NOP58: variants seen among roughly 807,000 people sequenced by gnomAD.
NOP58 encodes the protein NOP58 ribonucleoprotein, also known as nucleolar protein 58.
Under a neutral mutation model 71.2 loss-of-function variants are expected in NOP58, and 44 were observed. The ratio of observed to expected loss-of-function variants is 0.62; its 90% CI spans 0.49 to 0.79. The LOEUF is 0.79. NOP58 is among the 30% of genes least tolerant of loss of function. NOP58 has a pLI of 0.00. For missense variants in NOP58, 538 were observed against 620.2 expected (o/e 0.87, Z 1.41); for synonymous variants, 228 against 200.3 (o/e 1.14, Z -1.17).
At chr2:202,285,244 G>T (rs888855097) in intron 5 of NOP58, among the ~76,000 whole-genome samples, 1 of 150,738 alleles carries the variant, frequency 6.6e-6, no homozygotes, top group African/African-American at 2.4e-5. Flanking sequence ...CTTTCACCAT[G>T]TTGGCCTGGC....
intron 9 of NOP58, among the ~76,000 whole-genome samples, chr2:202,295,186 A>G (rs1209550189): frequency 1.3e-5 from 2 of 152,238 alleles, no homozygotes; most frequent in African/African-American, 4.8e-5. Context: ...GCAGTTAACC[A>G]CAGGTAATTT....
chr2:202,267,577 A>G (rs1425936502), intron 1 of NOP58, among the ~76,000 whole-genome samples: 1 of 152,160 alleles, frequency 6.6e-6, no homozygotes, highest in Admixed American at 6.5e-5. Flanking sequence ...AATCTTATCT[A>G]AATTACCATG....
At chr2:202,268,299 C>T (rs147087288) in intron 1 of NOP58, among the ~76,000 whole-genome samples, 110 of 152,154 alleles carry the variant, frequency 7.2e-4, no homozygotes, top group African/African-American at 2.5e-3. Context: ...CTTTGGGAGG[C>T]CGAGGCCGGC....
chr2:202,290,763 A>G (rs1688872369), intron 7 of NOP58, among the ~76,000 whole-genome samples: 1 of 151,704 alleles, frequency 6.6e-6, no homozygotes, highest in Non-Finnish European at 1.5e-5. Flanking sequence ...TGATTGATTG[A>G]TGGTTTACTT....
chr2:202,282,212 A>T, intron 3 of NOP58, 139 bp from the exon 4 acceptor site: 1 of 659,118 alleles, frequency 1.5e-6, no homozygotes, highest in Non-Finnish European at 2.5e-6. Context: ...TATAAAACAT[A>T]TATCATTTCA....
In NOP58 at chr2:202,278,019, G is replaced by C. The variant is rs1238791386; in HGVS notation, c.175+17G>C. 1 of 1,510,946 alleles carries C rather than the reference G, an allele frequency of 6.6e-7. No homozygotes were observed. The allele number at this position is 1,510,946 out of a possible 1,614,324, so 93.6% of individuals were successfully genotyped here. A position where few individuals can be genotyped will look rare whatever the true frequency, so the allele number is the denominator to read the frequency against. On this transcript the variant is annotated intron_variant, in intron 3 of 14. Transcript: ENST00000264279. ...CATTAGCAGGTAAAGTAAAAAATTA[G>C]AAGCTTGCTTTTTTGAAAAAATTAA...
In NOP58 at chr2:202,266,130, C is replaced by T. The variant is rs1384849607; in HGVS notation, c.45+144C>T. 15 of 884,940 alleles carry T rather than the reference C, an allele frequency of 1.7e-5. No individual in the cohort carries two copies. The African/African-American group carries it at 1.8e-4, about 11-fold the overall frequency. 54.8% of individuals were successfully genotyped at this position (884,940 alleles called of 1,614,324 possible). ...TGGGAGGAGGGAGAAGGCCTTTACA[C>T]CTGAGAGCCATGTTACGTGTAACAC... On this transcript the variant is annotated intron_variant, in intron 1 of 14. Coordinates refer to ENST00000264279, the MANE Select transcript of NOP58 (RefSeq NM_015934.5).
intron 1 of NOP58, among the ~76,000 whole-genome samples, chr2:202,269,552 AC>A (rs1688479211): frequency 6.6e-6 from 1 of 152,048 alleles, no homozygotes; most frequent in African/African-American, 2.4e-5. Context: ...GTGTAAAGGA[AC>A]TGTTGTGATT....
chr2:202,299,250 A>G (rs116437099), intron 12 of NOP58, among the ~76,000 whole-genome samples: 21,764 of 151,900 alleles, frequency 0.14, 1,640 homozygotes, highest in South Asian at 0.26. Flanking sequence ...GAGCCACAGC[A>G]CCCGGCCTCC....
Position 202,300,283 on chromosome 2 carries a change from T to TTG in NOP58, c.1318_1319insTG (p.Ser440LeufsTer7). ...TGGTGACTCCACACTTCCAACCTGT[T>TTG]CTAAAAAACGCAAAATAGAACAGGT... On this transcript the variant is annotated frameshift_variant, in exon 13 of 15. Coordinates refer to ENST00000264279, the MANE Select transcript of NOP58 (RefSeq NM_015934.5). LOFTEE classifies it high-confidence loss of function. The TTG allele has an allele frequency of 6.2e-7, 1 of 1,602,162 alleles. No homozygotes were observed. The highest frequency in any genetic ancestry group is 8.5e-7 in the Non-Finnish European group (1 of 1,177,520).
rs1034624471 is a variant in NOP58 at position 202,297,372 on chromosome 2, C to G, written c.1072-7C>G. 1 of 1,609,968 alleles carries G rather than the reference C, an allele frequency of 6.2e-7. No individual in the cohort carries two copies. Among genetic ancestry groups the G allele is most frequent in the African/African-American group, 1.3e-5 (1 of 74,684 alleles). On this transcript the variant is annotated splice_region_variant and splice_polypyrimidine_tract_variant and intron_variant, in intron 10 of 14. Coordinates refer to ENST00000264279, the MANE Select transcript of NOP58 (RefSeq NM_015934.5). ...ATGGAATATAGTTCTTCATGTTTTT[C>G]TATTAGATTTCTCGAATGCTGGCAG... is the stretch of plus-strand genomic sequence containing the variant.
chr2:202,295,670 G>A lies in NOP58; in HGVS notation c.908-4G>A, dbSNP rs751440661. On this transcript the variant is annotated splice_region_variant and splice_polypyrimidine_tract_variant and intron_variant, in intron 9 of 14. Transcript: ENST00000264279. ...GCATTCTTTGTAACTTTTTTCTTTT[G>A]TAGGTTCTCTTTTAAATTTGGCCAA... 2 of 1,558,100 alleles carry A rather than the reference G, an allele frequency of 1.3e-6. No homozygotes were observed. The highest frequency in any genetic ancestry group is 1.4e-5 in the African/African-American group (1 of 72,490).
chr2:202,283,672 C>G (rs1688744671), intron 4 of NOP58, among the ~76,000 whole-genome samples: 1 of 150,860 alleles, frequency 6.6e-6, no homozygotes, highest in Admixed American at 6.6e-5. Flanking sequence ...ATCTATTGAC[C>G]TTGTGATCCA....
At chr2:202,285,736 G>GA (rs1688775431) in intron 5 of NOP58, among the ~76,000 whole-genome samples, 1 of 152,102 alleles carries the variant, frequency 6.6e-6, no homozygotes, top group Admixed American at 6.6e-5. Context: ...ATCTGTTCAT[G>GA]AAAAGCTTAA....
chr2:202,283,031 G>A (rs1210052136), intron 4 of NOP58, among the ~76,000 whole-genome samples: 1 of 152,102 alleles, frequency 6.6e-6, no homozygotes, highest in East Asian at 1.9e-4. Context: ...GGCTAACACA[G>A]TGAAACCCTG....
At chr2:202,293,871 G>C (rs1054231844) in intron 9 of NOP58, among the ~76,000 whole-genome samples, 1 of 151,514 alleles carries the variant, frequency 6.6e-6, no homozygotes, top group Admixed American at 6.6e-5. Context: ...CACTGCGCCC[G>C]GCCTGGCGTA....
At chr2:202,275,362 G>T in intron 2 of NOP58, 173 bp downstream of exon 2, 1 of 523,540 alleles carries the variant, frequency 1.9e-6, no homozygotes, top group South Asian at 2.5e-5. Flanking sequence ...TTGGAATATA[G>T]GCCATCTCAA....
chr2:202,276,264 T>TGGGA (rs1404123984), intron 2 of NOP58, among the ~76,000 whole-genome samples: 2 of 149,532 alleles, frequency 1.3e-5, no homozygotes, highest in Admixed American at 6.7e-5. Context: ...CCCTTGAGCC[T>TGGGA]GGGAGGCGGA....
chr2:202,286,348 C>A (rs1010080947), intron 5 of NOP58, among the ~76,000 whole-genome samples: 2 of 142,528 alleles, frequency 1.4e-5, no homozygotes, highest in African/African-American at 2.6e-5. Context: ...ACTAAAAATA[C>A]AAAAAAATTA....
Sources: gnomAD v4.1 joint callset for allele counts (sites outside exome capture counted in the v4.1 genomes callset) on GRCh38, gnomAD v4.1.1 for gene constraint, MANE v1.5 for transcripts, NCBI Gene and HGNC (gene_info 2026-07-23, HGNC 2026-07-21) for gene names.